NFIB: variants seen among roughly 807,000 people sequenced by gnomAD.
NFIB encodes nuclear factor I B.
In NFIB, 11 loss-of-function variants were observed where a neutral mutation model predicts 61.5. That is an observed-to-expected ratio of 0.18 (90% CI 0.11 to 0.30). The LOEUF (loss-of-function observed/expected upper bound fraction) is 0.30. Ranked by LOEUF, NFIB falls within the 10% of genes least tolerant of loss-of-function variation. NFIB has a pLI of 1.00. For missense variants in NFIB, 471 were observed against 608.9 expected, an observed-to-expected ratio of 0.77 and a Z score of 2.38; for synonymous variants, 260 against 216.5, an observed-to-expected ratio of 1.20 and a Z score of -1.76.
chr9:14,528,535 G>C, the NFIB span, among the ~76,000 whole-genome samples: 1 of 152,142 alleles, frequency 6.6e-6, no homozygotes, highest in Non-Finnish European at 1.5e-5. Context: ...AAGTTGCATA[G>C]ACTGGCAAAT....
chr9:14,187,963 G>A (rs375712898), intron 2 of NFIB, among the ~76,000 whole-genome samples: 3 of 152,254 alleles, frequency 2.0e-5, no homozygotes, highest in African/African-American at 7.2e-5. Flanking sequence ...ACAACAATGG[G>A]AAGCTAGGAT....
intron 1 of NFIB, among the ~76,000 whole-genome samples, chr9:14,350,097 T>C (rs1262777931): frequency 6.6e-6 from 1 of 152,134 alleles, no homozygotes; most frequent in Non-Finnish European, 1.5e-5. Flanking sequence ...GGGACCCTCC[T>C]GGGCCTGGGA....
the NFIB span, among the ~76,000 whole-genome samples, chr9:14,484,013 G>T: frequency 6.6e-6 from 1 of 152,196 alleles, no homozygotes; most frequent in South Asian, 2.1e-4. Context: ...ATATTGAAGT[G>T]TGAAAAGAAA....
At chr9:14,257,336 G>C (rs1000060388) in intron 2 of NFIB, among the ~76,000 whole-genome samples, 1 of 152,200 alleles carries the variant, frequency 6.6e-6, no homozygotes, top group Non-Finnish European at 1.5e-5. Flanking sequence ...AACACTGAAA[G>C]TCACTCTTCT....
At position 14,160,831 on chromosome 9, in the gene NFIB, CAAAAA is replaced by C. The variant is rs36063048; in HGVS notation, c.617-4943_617-4939del. ...AATTCTTGCTTTGTGAAGGAAATCT[CAAAAA>C]AAAAAAAAAAAAAAACAGAAAAAAA... On this transcript the variant is annotated intron_variant, in intron 3 of 10. Transcript: ENST00000380953. 7.4e-4 allele frequency among the ~76,000 whole-genome samples: 71 copies of C among 96,336 alleles called. 1 individual carries two copies. Among genetic ancestry groups the C allele is most frequent in the African/African-American group, 2.9e-3 (69 of 24,202 alleles). The allele number at this position is 96,336 out of a possible 152,430, so 63.2% of individuals were successfully genotyped here. A position where few individuals can be genotyped will look rare whatever the true frequency, so the allele number is the denominator to read the frequency against.
intron 1 of NFIB, among the ~76,000 whole-genome samples, chr9:14,358,949 T>C (rs2061207621): frequency 6.6e-6 from 1 of 152,258 alleles, no homozygotes; most frequent in South Asian, 2.1e-4. Flanking sequence ...ATTTTACTAT[T>C]ATTTATGCTC....
the NFIB span, among the ~76,000 whole-genome samples, chr9:14,455,046 G>C: frequency 1.3e-5 from 2 of 152,156 alleles, no homozygotes; most frequent in Non-Finnish European, 2.9e-5. Flanking sequence ...ATGATTGGGG[G>C]TTATTTGTTA....
At chr9:14,407,834 T>G in the NFIB span, among the ~76,000 whole-genome samples, 1 of 152,044 alleles carries the variant, frequency 6.6e-6, no homozygotes, top group African/African-American at 2.4e-5. Context: ...TACAAGTGTG[T>G]ACCACCGTGC....
chr9:14,472,218 A>T, the NFIB span, among the ~76,000 whole-genome samples: 1 of 152,256 alleles, frequency 6.6e-6, no homozygotes, highest in Non-Finnish European at 1.5e-5. Context: ...TTAAGTGAGC[A>T]CTAGCAATGC....
chr9:14,376,580 G>A (rs1425215321), intron 1 of NFIB, among the ~76,000 whole-genome samples: 1 of 149,102 alleles, frequency 6.7e-6, no homozygotes, highest in Admixed American at 6.7e-5. Context: ...GCAGTGGCAT[G>A]ATCTCTGCTC....
chr9:14,471,534 G>T, the NFIB span, among the ~76,000 whole-genome samples: 1 of 152,250 alleles, frequency 6.6e-6, no homozygotes, highest in African/African-American at 2.4e-5. Context: ...CAAGTTAGTA[G>T]AAGACTGCAA....
upstream of NFIB, among the ~76,000 whole-genome samples, chr9:14,403,913 G>A (rs2061766459): frequency 6.6e-6 from 1 of 152,150 alleles, no homozygotes; most frequent in African/African-American, 2.4e-5. Flanking sequence ...GGAAAAAGAA[G>A]CACCTCAAAG....
intron 2 of NFIB, among the ~76,000 whole-genome samples, chr9:14,229,741 C>G (rs368444016): frequency 5.3e-5 from 8 of 152,162 alleles, no homozygotes; most frequent in South Asian, 2.1e-4. Flanking sequence ...CCTCACTGAG[C>G]CAACCATCTT....
chr9:14,514,817 G>A, the NFIB span, among the ~76,000 whole-genome samples: 18 of 152,090 alleles, frequency 1.2e-4, no homozygotes, highest in South Asian at 1.0e-3. Flanking sequence ...ATACCAATGC[G>A]TGGGTCTTCT....
intron 2 of NFIB, among the ~76,000 whole-genome samples, chr9:14,303,585 G>T (rs915789095): frequency 2.0e-5 from 3 of 152,146 alleles, no homozygotes. Flanking sequence ...AAGATTTGCT[G>T]CAGCAAACAA....
At chr9:14,365,319 C>T (rs912425915) in intron 1 of NFIB, among the ~76,000 whole-genome samples, 2 of 152,210 alleles carry the variant, frequency 1.3e-5, no homozygotes, top group African/African-American at 2.4e-5. Flanking sequence ...TTTTCAGACC[C>T]TCTCATTCTT....
At chr9:14,396,522 G>T (rs1257614838) in intron 1 of NFIB, among the ~76,000 whole-genome samples, 4 of 151,830 alleles carry the variant, frequency 2.6e-5, no homozygotes, top group African/African-American at 4.8e-5. Context: ...TAGGCTATAA[G>T]ATATCTTAGG....
chr9:14,503,137 T>A, the NFIB span, among the ~76,000 whole-genome samples: 1 of 150,938 alleles, frequency 6.6e-6, no homozygotes, highest in Non-Finnish European at 1.5e-5. Flanking sequence ...TGTGTGTGTG[T>A]GTATATATAT....
At chr9:14,276,113 C>CT (rs1465750713) in intron 2 of NFIB, among the ~76,000 whole-genome samples, 1 of 151,962 alleles carries the variant, frequency 6.6e-6, no homozygotes, top group African/African-American at 2.4e-5. Context: ...CAAAAAAGGT[C>CT]TAGGTTTGCC....
Sources: gnomAD v4.1 joint callset for allele counts (sites outside exome capture counted in the v4.1 genomes callset) on GRCh38, gnomAD v4.1.1 for gene constraint, MANE v1.5 for transcripts, NCBI Gene and HGNC (gene_info 2026-07-23, HGNC 2026-07-21) for gene names.